Variants in TMEM132D observed in about 807,000 individuals in gnomAD.
TMEM132D encodes the protein transmembrane protein 132D.
In TMEM132D, 21 loss-of-function variants were observed where a neutral mutation model predicts 62.3. That is an observed-to-expected ratio of 0.34 (90% CI 0.24 to 0.49). TMEM132D has a LOEUF of 0.49. Ranked by LOEUF, TMEM132D falls within the 20% of genes least tolerant of loss-of-function variation. TMEM132D has a pLI of 0.99. For missense variants in TMEM132D, 1,346 were observed against 1,402.8 expected (o/e 0.96, Z 0.65); for synonymous variants, 621 against 575.6 (o/e 1.08, Z -1.13).
At chr12:129,419,793 A>G (rs1335308650) in intron 3 of TMEM132D, among the ~76,000 whole-genome samples, 1 of 151,750 alleles carries the variant, frequency 6.6e-6, no homozygotes, top group African/African-American at 2.4e-5. Flanking sequence ...TGAATATAAA[A>G]TGCCAAGTCT....
In TMEM132D at chr12:129,492,210, C is replaced by A. The variant is rs567147890; in HGVS notation, c.1115+38849G>T. Among the ~76,000 whole-genome samples the A allele has an allele frequency of 2.3e-3, 353 of 152,166 alleles. 6 individuals carry two copies. Among genetic ancestry groups the A allele is most frequent in the Non-Finnish European group, 3.8e-4 (26 of 68,018 alleles). On this transcript the variant is annotated intron_variant, in intron 3 of 8. Coordinates refer to ENST00000422113, the MANE Select transcript of TMEM132D (RefSeq NM_133448.3). ...AAATTAGCAAATGTCAGTTTCAAGC[C>A]AATTACAAATAGTTTTGGTTACAAA... is the stretch of plus-strand genomic sequence containing the variant.
chr12:129,209,463 A>G, intron 5 of TMEM132D, 57 bp downstream of exon 5: 4 of 1,602,732 alleles, frequency 2.5e-6, no homozygotes, highest in Non-Finnish European at 3.4e-6. Context: ...CTGGTCCAGG[A>G]GCACAGAAGC....
At chr12:129,624,885 G>A (rs551697041) in intron 2 of TMEM132D, among the ~76,000 whole-genome samples, 5 of 152,254 alleles carry the variant, frequency 3.3e-5, no homozygotes, top group Admixed American at 2.0e-4. Flanking sequence ...GCACAGGGCA[G>A]AGTGGAGAAG....
At chr12:129,664,716 C>T (rs992443513) in intron 2 of TMEM132D, among the ~76,000 whole-genome samples, 4 of 152,012 alleles carry the variant, frequency 2.6e-5, no homozygotes, top group Admixed American at 2.0e-4. Flanking sequence ...TGAGCCACTG[C>T]GGCCGGCCTA....
chr12:129,296,081 CACACAT>C lies in TMEM132D; in HGVS notation c.1299+41547_1299+41552del, dbSNP rs1044697068. ...CTATATGAACATGCACACACACACACACACATATATATATATATACATATGTATATT... is the reference window on the plus strand; with the variant it reads ...CTATATGAACATGCACACACACACACATATATATATATACATATGTATATT... On this transcript the variant is annotated intron_variant, in intron 4 of 8. Transcript: ENST00000422113. 5.0e-4 allele frequency among the ~76,000 whole-genome samples: 76 copies of C among 151,404 alleles called. 1 individual carries two copies. The highest frequency in any genetic ancestry group is 2.1e-4 in the South Asian group (1 of 4,788).
Position 129,366,183 on chromosome 12 carries a change from A to C in TMEM132D, c.1116-28366T>G, listed in dbSNP as rs1316492956. On this transcript the variant is annotated intron_variant, in intron 3 of 8. Transcript: ENST00000422113. ...ATTTTGTTTTAGTAAACACAGTCTT[A>C]GGGAAAAGCCCTGTGTTATTGTTTG... 2.0e-5 allele frequency among the ~76,000 whole-genome samples: 3 copies of C among 152,132 alleles called. No individual in the cohort carries two copies. The Admixed American group carries it at 2.0e-4, about 10-fold the overall frequency.
intron 4 of TMEM132D, among the ~76,000 whole-genome samples, chr12:129,260,574 G>A (rs969789927): frequency 6.6e-6 from 1 of 152,148 alleles, no homozygotes; most frequent in African/African-American, 2.4e-5. Context: ...ACATGGATAA[G>A]TTCTTTAGTG....
In TMEM132D at chr12:129,352,191, C is replaced by T. The variant is rs111722727; in HGVS notation, c.1116-14374G>A. Among the ~76,000 whole-genome samples the T allele has an allele frequency of 5.8e-4, 89 of 152,222 alleles. 1 individual carries two copies. The highest frequency in any genetic ancestry group is 2.1e-3 in the African/African-American group (86 of 41,536). Reference sequence around the variant, plus strand: ...AAATTAATAATGTGTACTAAACAGACCCAGAGTTGGAGTGTCCTGATATCC... The same window carrying T: ...AAATTAATAATGTGTACTAAACAGATCCAGAGTTGGAGTGTCCTGATATCC... On this transcript the variant is annotated intron_variant, in intron 3 of 8. Transcript: ENST00000422113.
chr12:129,112,299 C>A (rs919898730), intron 5 of TMEM132D, among the ~76,000 whole-genome samples: 6 of 152,182 alleles, frequency 3.9e-5, no homozygotes, highest in Admixed American at 3.3e-4. Context: ...ATGTAGGAAC[C>A]AGGGTTTACA....
At chr12:129,360,966 G>A (rs1870230204) in intron 3 of TMEM132D, among the ~76,000 whole-genome samples, 1 of 152,142 alleles carries the variant, frequency 6.6e-6, no homozygotes, top group African/African-American at 2.4e-5. Flanking sequence ...ATCTGTGAAT[G>A]GGAGCGCTCT....
chr12:129,424,514 C>T (rs998043244), intron 3 of TMEM132D, among the ~76,000 whole-genome samples: 1 of 152,092 alleles, frequency 6.6e-6, no homozygotes, highest in Admixed American at 6.5e-5. Context: ...TCCTGGCCAA[C>T]ATGGTGAAAC....
In TMEM132D at chr12:129,512,665, G is replaced by A. The variant is rs761973945; in HGVS notation, c.1115+18394C>T. Among the ~76,000 whole-genome samples, 207 of 152,346 alleles carry A rather than the reference G, an allele frequency of 1.4e-3. 1 individual carries two copies. The highest frequency in any genetic ancestry group is 1.9e-3 in the Non-Finnish European group (131 of 68,038). On this transcript the variant is annotated intron_variant, in intron 3 of 8. Transcript: ENST00000422113. ...GACCGTGATCAACTAGGGGCTAGGT[G>A]CTCTGTTTCCAACGAGGCTCACTTA...
chr12:129,143,937 T>A (rs1007138859), intron 5 of TMEM132D, among the ~76,000 whole-genome samples: 1 of 152,176 alleles, frequency 6.6e-6, no homozygotes, highest in Admixed American at 6.5e-5. Flanking sequence ...TGCTCACTCT[T>A]GAACTCCCAG....
chr12:129,708,732 G>A (rs1669450), intron 1 of TMEM132D, among the ~76,000 whole-genome samples: 1 of 146,916 alleles, frequency 6.8e-6, no homozygotes, highest in East Asian at 2.0e-4. Context: ...CAATATTCCA[G>A]AGAACATTAT....
chr12:129,248,619 G>A (rs1452517802), intron 4 of TMEM132D, among the ~76,000 whole-genome samples: 1 of 151,836 alleles, frequency 6.6e-6, no homozygotes, highest in Non-Finnish European at 1.5e-5. Context: ...GGTAGACTTG[G>A]GTCATGGGGG....
rs779092797 is a variant in TMEM132D at position 129,337,788 on chromosome 12, T to C, written c.1145A>G (p.Gln382Arg). 1.9e-6 allele frequency: 3 copies of C among 1,612,734 alleles called. No homozygotes were observed. The highest frequency in any genetic ancestry group is 2.7e-5 in the African/African-American group (2 of 74,930). Residue 382 changes from glutamine to arginine, a missense_variant, in exon 4 of 9, where the codon CAG (glutamine) becomes CGG (arginine). Transcript: ENST00000422113. The stretch of plus-strand genomic sequence containing the variant: ...AGGCTCTTCCACCTCCACATCGATC[T>C]GCATGACCTCGTAGGAGGCGCCATC... ...SADGASYEVM[Q>R]IDVEVEEPGD...
chr12:129,184,206 C>A (rs568173882), intron 5 of TMEM132D, among the ~76,000 whole-genome samples: 1 of 152,148 alleles, frequency 6.6e-6, no homozygotes, highest in African/African-American at 2.4e-5. Flanking sequence ...GCAGGCCACC[C>A]GCAGCAGCCA....
At chr12:129,850,211 C>T (rs1254026399) in intron 1 of TMEM132D, among the ~76,000 whole-genome samples, 1 of 152,154 alleles carries the variant, frequency 6.6e-6, no homozygotes, top group East Asian at 1.9e-4. Flanking sequence ...TTGCAAAGCT[C>T]CAATCTGGAA....
chr12:129,624,188 C>T lies in TMEM132D; in HGVS notation c.968+75622G>A, dbSNP rs138835298. Among the ~76,000 whole-genome samples, 5 of 152,246 alleles carry T rather than the reference C, an allele frequency of 3.3e-5. No individual in the cohort carries two copies. In the East Asian group the frequency reaches 5.8e-4, roughly 18 times the overall value. ...TCTACCTTAGCTAATTATCACTTGA[C>T]GAATACATAAGCTGTTTACACTTTT... On this transcript the variant is annotated intron_variant, in intron 2 of 8. Transcript: ENST00000422113.
Sources: allele counts gnomAD v4.1 joint callset (sites outside exome capture counted in the v4.1 genomes callset), GRCh38; gene constraint gnomAD v4.1.1; transcripts MANE v1.5; gene names NCBI Gene and HGNC (gene_info 2026-07-23, HGNC 2026-07-21).